The following CLIC5 variants were observed in gnomAD, a reference collection of about 807,000 sequenced individuals.
CLIC5 encodes chloride intracellular channel protein 5.
Under a neutral mutation model 24.7 loss-of-function variants are expected in CLIC5, and 20 were observed. That is an observed-to-expected ratio of 0.81 (90% CI 0.57 to 1.18). CLIC5 has a LOEUF of 1.18. CLIC5 is among the 50% of genes most tolerant of loss of function. CLIC5 has a pLI of 0.00. For synonymous variants in CLIC5, 159 were observed against 135.6 expected, an observed-to-expected ratio of 1.17 and a Z score of -1.20; for missense variants, 341 against 326.1, an observed-to-expected ratio of 1.05 and a Z score of -0.35.
intron 1 of CLIC5, among the ~76,000 whole-genome samples, chr6:46,058,669 G>A (rs752096309): frequency 2.0e-5 from 3 of 152,182 alleles, no homozygotes; most frequent in Non-Finnish European, 2.9e-5. Flanking sequence ...AGGTGAACTT[G>A]TGTTCTTTGA....
intron 1 of CLIC5, among the ~76,000 whole-genome samples, chr6:45,985,087 A>G (rs1164996765): frequency 6.6e-6 from 1 of 152,176 alleles, no homozygotes; most frequent in Non-Finnish European, 1.5e-5. Context: ...TGCTGGAGGG[A>G]GGGCCTGGAA....
At chr6:45,953,299 T>C (rs887149022) in intron 2 of CLIC5, among the ~76,000 whole-genome samples, 4 of 152,090 alleles carry the variant, frequency 2.6e-5, no homozygotes, top group African/African-American at 9.7e-5. Context: ...ACCTCAGAAC[T>C]TGATGAAACA....
At chr6:46,074,965 C>T (rs185636234) in intron 1 of CLIC5, among the ~76,000 whole-genome samples, 106 of 152,266 alleles carry the variant, frequency 7.0e-4, no homozygotes, top group African/African-American at 2.6e-3. Context: ...TTGAAAAACC[C>T]AGTAGGATAT....
intron 1 of CLIC5, among the ~76,000 whole-genome samples, chr6:46,028,887 T>A (rs1287032906): frequency 6.6e-6 from 1 of 152,194 alleles, no homozygotes; most frequent in East Asian, 1.9e-4. Flanking sequence ...TTGGACAAAT[T>A]TATAATAACA....
At chr6:45,918,580 G>A (rs1019585166) in intron 4 of CLIC5, among the ~76,000 whole-genome samples, 3 of 152,222 alleles carry the variant, frequency 2.0e-5, no homozygotes, top group South Asian at 2.1e-4. Context: ...GTGGCTGCAC[G>A]CTCAACTTCT....
In CLIC5 at chr6:45,933,913, A is replaced by G. The variant is rs115581352; in HGVS notation, c.406+7634T>C. On this transcript the variant is annotated intron_variant, in intron 4 of 5. Transcript: ENST00000339561. ...GAGGAGCACAGCTCACAGGTGGGGG[A>G]AGATGGAGAGGAGTCAGAGCAGCAG... Among the ~76,000 whole-genome samples the G allele has an allele frequency of 5.9e-3, 896 of 152,170 alleles. 6 individuals carry two copies. Among genetic ancestry groups the G allele is most frequent in the African/African-American group, 0.021 (853 of 41,500 alleles).
chr6:46,080,819 A>G (rs1404269647), upstream of CLIC5, among the ~76,000 whole-genome samples: 1 of 152,214 alleles, frequency 6.6e-6, no homozygotes, highest in African/African-American at 2.4e-5. Context: ...TACATTTCTT[A>G]TCTGGAAACA....
At chr6:46,069,433 C>A (rs556180788) in intron 1 of CLIC5, among the ~76,000 whole-genome samples, 1 of 151,992 alleles carries the variant, frequency 6.6e-6, no homozygotes, top group African/African-American at 2.4e-5. Flanking sequence ...GATGAACACC[C>A]CTATGCACAC....
intron 3 of CLIC5, among the ~76,000 whole-genome samples, chr6:45,944,728 A>T (rs1057510690): frequency 2.0e-5 from 3 of 152,118 alleles, no homozygotes; most frequent in African/African-American, 7.2e-5. Flanking sequence ...AATTAAACCA[A>T]TGTGCATGAA....
At chr6:45,949,523 G>A in intron 2 of CLIC5, 142 bp from the exon 3 acceptor site, 1 of 877,012 alleles carries the variant, frequency 1.1e-6, no homozygotes, top group Non-Finnish European at 1.7e-6. Flanking sequence ...TGCAGTATAG[G>A]GCAGGGGAGG....
chr6:45,970,803 C>T (rs1246112469), intron 1 of CLIC5, among the ~76,000 whole-genome samples: 3 of 152,182 alleles, frequency 2.0e-5, no homozygotes, highest in Admixed American at 2.0e-4. Context: ...GAGCAAGTCA[C>T]TGTCTCGATC....
At chr6:45,929,136 T>C (rs955820717) in intron 4 of CLIC5, among the ~76,000 whole-genome samples, 1 of 148,926 alleles carries the variant, frequency 6.7e-6, no homozygotes, top group African/African-American at 2.4e-5. Context: ...CTTCTCCCCA[T>C]GCCTGCCCCA....
intron 1 of CLIC5, among the ~76,000 whole-genome samples, chr6:45,985,159 C>T (rs754327663): frequency 8.5e-5 from 13 of 152,164 alleles, no homozygotes; most frequent in Non-Finnish European, 1.5e-4. Context: ...GAGAGGGAAA[C>T]CTGTGGGAGA....
chr6:45,925,237 G>T (rs1244426192), intron 4 of CLIC5, among the ~76,000 whole-genome samples: 1 of 151,842 alleles, frequency 6.6e-6, no homozygotes, highest in African/African-American at 2.4e-5. Context: ...ACTGTAGTCA[G>T]GCTTCTATTA....
chr6:45,992,948 T>C (rs564794272), intron 1 of CLIC5, among the ~76,000 whole-genome samples: 16 of 152,198 alleles, frequency 1.1e-4, no homozygotes, highest in South Asian at 4.1e-4. Context: ...TGCCTGTGTG[T>C]GCACACACAC....
chr6:46,080,352 A>G (rs1762893918), upstream of CLIC5: 2 of 861,988 alleles, frequency 2.3e-6, no homozygotes, highest in Non-Finnish European at 3.6e-6. Context: ...AGCTCTTAAA[A>G]GGCAGCAACT....
rs183579808 is a variant in CLIC5, at chr6:45,972,301, C to T, written c.64-17057G>A. ...ATTGGGAATAATAACAGCTGCCCAC[C>T]TACTTCACGAGTTCTCTGTGAGGAT... is the stretch of plus-strand genomic sequence containing the variant. On this transcript the variant is annotated intron_variant, in intron 1 of 5. Coordinates refer to ENST00000339561, the MANE Select transcript of CLIC5 (RefSeq NM_016929.5). Among the ~76,000 whole-genome samples the T allele has an allele frequency of 7.2e-5, 11 of 152,310 alleles. No individual in the cohort carries two copies. In the East Asian group the frequency reaches 1.9e-3, roughly 27 times the overall value.
intron 4 of CLIC5, among the ~76,000 whole-genome samples, chr6:45,940,665 CCA>C (rs1394442777): frequency 3.3e-5 from 5 of 152,270 alleles, no homozygotes; most frequent in African/African-American, 1.2e-4. Context: ...GTGCTGGACT[CCA>C]GTCATCCAGC....
intron 1 of CLIC5, among the ~76,000 whole-genome samples, chr6:45,996,744 C>T (rs1167297028): frequency 6.6e-6 from 1 of 151,922 alleles, no homozygotes; most frequent in African/African-American, 2.4e-5. Flanking sequence ...CCAAAAGACA[C>T]ATGAAAAAAT....
Sources: gnomAD v4.1 joint callset for allele counts (sites outside exome capture counted in the v4.1 genomes callset) on GRCh38, gnomAD v4.1.1 for gene constraint, MANE v1.5 for transcripts, NCBI Gene and HGNC (gene_info 2026-07-23, HGNC 2026-07-21) for gene names.